The following MAML2 variants were observed in gnomAD, a reference collection of about 807,000 sequenced individuals.
The protein encoded by MAML2 is mastermind-like protein 2.
In MAML2, 22 loss-of-function variants were observed where a neutral mutation model predicts 96.1. The ratio of observed to expected loss-of-function variants is 0.23; its 90% CI spans 0.16 to 0.33. The LOEUF (loss-of-function observed/expected upper bound fraction) is 0.33. Ranked by LOEUF, MAML2 falls within the 10% of genes least tolerant of loss-of-function variation. The pLI, the probability that MAML2 is intolerant of heterozygous loss-of-function variation, is 1.00. For synonymous variants in MAML2, 561 were observed against 521.3 expected (o/e 1.08, Z -1.04); for missense variants, 1,367 against 1,392.4 (o/e 0.98, Z 0.29).
intron 1 of MAML2, among the ~76,000 whole-genome samples, chr11:96,264,476 G>C (rs908395368): frequency 6.6e-5 from 10 of 152,150 alleles, no homozygotes. Flanking sequence ...GGCTGGACTT[G>C]AGTTCTGATT....
intron 1 of MAML2, among the ~76,000 whole-genome samples, chr11:96,339,770 C>T (rs1163579237): frequency 6.6e-6 from 1 of 152,222 alleles, no homozygotes; most frequent in Non-Finnish European, 1.5e-5. Context: ...ATACAAACCT[C>T]ATTCTTCTCT....
intron 1 of MAML2, among the ~76,000 whole-genome samples, chr11:96,149,072 T>C (rs1196750222): frequency 1.3e-5 from 2 of 152,144 alleles, no homozygotes; most frequent in East Asian, 3.9e-4. Context: ...CACTGTGACA[T>C]GCAACCCAGT....
intron 4 of MAML2, among the ~76,000 whole-genome samples, chr11:95,984,140 T>C (rs2135702617): frequency 6.6e-6 from 1 of 152,318 alleles, no homozygotes; most frequent in African/African-American, 2.4e-5. Flanking sequence ...TACCATTGTG[T>C]TATAACTGCC....
At chr11:96,232,762 G>A (rs999932659) in intron 1 of MAML2, among the ~76,000 whole-genome samples, 4 of 152,142 alleles carry the variant, frequency 2.6e-5, no homozygotes, top group South Asian at 2.1e-4. Flanking sequence ...GTGAGCCACC[G>A]CGCCCGGCCA....
chr11:96,318,317 GAAGT>G (rs1012558281), intron 1 of MAML2, among the ~76,000 whole-genome samples: 2 of 152,314 alleles, frequency 1.3e-5, no homozygotes, highest in African/African-American at 2.4e-5. Context: ...AACACAGGAA[GAAGT>G]AAGCAAGAGA....
chr11:96,237,042 C>T (rs1012374666), intron 1 of MAML2, among the ~76,000 whole-genome samples: 1 of 151,990 alleles, frequency 6.6e-6, no homozygotes, highest in African/African-American at 2.4e-5. Context: ...CAAGCATGAG[C>T]CAAAATGGAT....
rs1025097601 is a variant in MAML2 at position 96,170,858 on chromosome 11, G to A, written c.514-77341C>T. Among the ~76,000 whole-genome samples, 8 of 152,252 alleles carry A rather than the reference G, an allele frequency of 5.3e-5. No homozygotes were observed. The South Asian group carries it at 1.7e-3, about 32-fold the overall frequency. On this transcript the variant is annotated intron_variant, in intron 1 of 4. Transcript: ENST00000524717. ...GCCTCCCGAGTAGCTGGGACTACAGGTGACCGCCACCACACCTGTCTAATT... is the reference window on the plus strand; with the variant it reads ...GCCTCCCGAGTAGCTGGGACTACAGATGACCGCCACCACACCTGTCTAATT...
intron 2 of MAML2, among the ~76,000 whole-genome samples, chr11:96,080,786 G>A (rs898372419): frequency 3.3e-5 from 5 of 152,160 alleles, no homozygotes; most frequent in Middle Eastern, 3.2e-3. Context: ...AAGTGCAGGC[G>A]TCATACCTGG....
At chr11:96,193,595 A>G (rs553651757) in intron 1 of MAML2, among the ~76,000 whole-genome samples, 1 of 152,338 alleles carries the variant, frequency 6.6e-6, no homozygotes, top group African/African-American at 2.4e-5. Context: ...GTGATTCAAA[A>G]AGACAAATTG....
chr11:95,983,279 A>C (rs1002239722), intron 4 of MAML2, among the ~76,000 whole-genome samples: 2 of 152,206 alleles, frequency 1.3e-5, no homozygotes, highest in Non-Finnish European at 2.9e-5. Context: ...ATAAAAACAA[A>C]AAATTTTTAA....
intron 4 of MAML2, among the ~76,000 whole-genome samples, chr11:95,984,006 C>T (rs1857785260): frequency 6.6e-6 from 1 of 152,204 alleles, no homozygotes; most frequent in African/African-American, 2.4e-5. Context: ...CACTCACTGA[C>T]ACCCAGTGCA....
At position 96,173,529 on chromosome 11, in the gene MAML2, G is replaced by A. The variant is rs140736690; in HGVS notation, c.514-80012C>T. ...GGGGAAGAAACGGGTAGGACACTAA[G>A]AGCTGAGACTGAGCTTTATGGGTCA... On this transcript the variant is annotated intron_variant, in intron 1 of 4. Coordinates refer to ENST00000524717, the MANE Select transcript of MAML2 (RefSeq NM_032427.4). Among the ~76,000 whole-genome samples, 21 of 152,282 alleles carry A rather than the reference G, an allele frequency of 1.4e-4. No individual in the cohort carries two copies. The East Asian group carries it at 4.1e-3, about 29-fold the overall frequency.
At chr11:96,218,960 A>T (rs1287353998) in intron 1 of MAML2, among the ~76,000 whole-genome samples, 1 of 152,186 alleles carries the variant, frequency 6.6e-6, no homozygotes, top group African/African-American at 2.4e-5. Flanking sequence ...TTATGATCAG[A>T]AGTACATTAT....
chr11:96,121,779 G>GTTTTTTTTTTTTTTTTTT (rs1405872923), intron 1 of MAML2, among the ~76,000 whole-genome samples: 4 of 40,812 alleles, frequency 9.8e-5, no homozygotes, highest in African/African-American at 2.2e-4. Context: ...CCAACTGCGT[G>GTTTTTTTTTTTTTTTTTT]ATTTTTTTTT....
chr11:96,335,033 G>A (rs1388357107), intron 1 of MAML2, among the ~76,000 whole-genome samples: 1 of 152,170 alleles, frequency 6.6e-6, no homozygotes, highest in African/African-American at 2.4e-5. Context: ...ATTCACTACC[G>A]TCAGCATCCA....
rs530578845 is a variant in MAML2 at position 96,166,177 on chromosome 11, T to TCTCTCACACACA, written c.514-72661_514-72660insTGTGTGTGAGAG. Among the ~76,000 whole-genome samples, 852 of 110,314 alleles carry TCTCTCACACACA rather than the reference T, an allele frequency of 7.7e-3. 7 individuals carry two copies. Among genetic ancestry groups the TCTCTCACACACA allele is most frequent in the African/African-American group, 0.012 (354 of 28,618 alleles). The allele number at this position is 110,314 out of a possible 152,430, so 72.4% of individuals were successfully genotyped here. ...CTGTCTCTCTCTCTCTCTCTCTCTC[T>TCTCTCACACACA]CACACACACACACACACACACACAC... On this transcript the variant is annotated intron_variant, in intron 1 of 4. Transcript: ENST00000524717.
At position 96,092,609 on chromosome 11, in the gene MAML2, T is replaced by G. The variant is rs763680453; in HGVS notation, c.1422A>C (p.Pro474=). The change falls in exon 2 of 5, where the codon CCA becomes CCC. Residue 474 remains proline (P), a synonymous_variant. Coordinates refer to ENST00000524717, the MANE Select transcript of MAML2 (RefSeq NM_032427.4). This position sits in a 1 kb window ranked among gnomAD's most constrained non-coding sequence, Gnocchi z 4.1. ...GGCTGGGGATTTTCTCCTGCCCAAA[T>G]GGACCTGGTGATGGTCCAGCAGAAG... ...LPSSAGPSPG[P]FGQEKIPSPS... The G allele has an allele frequency of 1.2e-6, 2 of 1,612,342 alleles. No individual in the cohort carries two copies. The highest frequency in any genetic ancestry group is 2.2e-5 in the East Asian group (1 of 44,822).
chr11:96,212,912 G>A (rs1426725638), intron 1 of MAML2, among the ~76,000 whole-genome samples: 5 of 152,124 alleles, frequency 3.3e-5, no homozygotes, highest in Non-Finnish European at 7.4e-5. Flanking sequence ...AAAAATTATT[G>A]ATGAATGAAC....
chr11:96,341,905 C>A lies in MAML2; in HGVS notation c.-10G>T. The A allele has an allele frequency of 6.6e-7, 1 of 1,506,138 alleles. No homozygotes were observed. The highest frequency in any genetic ancestry group is 1.2e-5 in the South Asian group (1 of 80,578). The allele number at this position is 1,506,138 out of a possible 1,614,324, so 93.3% of individuals were successfully genotyped here. On this transcript the variant is annotated 5_prime_UTR_variant, in exon 1 of 5. Coordinates refer to ENST00000524717, the MANE Select transcript of MAML2 (RefSeq NM_032427.4). ...GCGCTGTGTCCCCCATCTTACCGGA[C>A]ACAATGATTGCTGCCTCTGGGATGG...
Sources: gnomAD v4.1 joint callset for allele counts (sites outside exome capture counted in the v4.1 genomes callset) on GRCh38, gnomAD v4.1.1 for gene constraint, Gnocchi (gnomAD v3.1) non-coding constraint, MANE v1.5 for transcripts, NCBI Gene and HGNC (gene_info 2026-07-23, HGNC 2026-07-21) for gene names.